Variants in RHOT1 observed in about 807,000 individuals in gnomAD.
RHOT1 encodes mitochondrial Rho GTPase 1.
In RHOT1, 27 loss-of-function variants were observed where a neutral mutation model predicts 95.3. That is an observed-to-expected ratio of 0.28 (90% CI 0.21 to 0.39). RHOT1 has a LOEUF of 0.39. RHOT1 is among the 10% of genes least tolerant of loss of function. The pLI is 1.00. For synonymous variants in RHOT1, 227 were observed against 263.5 expected, an observed-to-expected ratio of 0.86 and a Z score of 1.34; for missense variants, 578 against 786.7, an observed-to-expected ratio of 0.73 and a Z score of 3.17.
intron 8 of RHOT1, among the ~76,000 whole-genome samples, chr17:32,183,906 G>A (rs1408240610): frequency 6.6e-6 from 1 of 152,084 alleles, no homozygotes; most frequent in Non-Finnish European, 1.5e-5. Context: ...GGCTGATCTC[G>A]AACTCCTGAC....
rs377581250 is a variant in RHOT1 at position 32,185,779 on chromosome 17, G to A, written c.540+2507G>A. The stretch of plus-strand genomic sequence containing the variant: ...TTTGTGGCCCAGGCTGGAGCACAGT[G>A]GTGTGATCATAGCTCACTGCGGCCT... On this transcript the variant is annotated intron_variant, in intron 8 of 19. Coordinates refer to ENST00000545287, the MANE Select transcript of RHOT1 (RefSeq NM_001033566.3). Among the ~76,000 whole-genome samples, 1,126 of 147,094 alleles carry A rather than the reference G, an allele frequency of 7.7e-3. 16 individuals are homozygous for A. The highest frequency in any genetic ancestry group is 0.027 in the African/African-American group (1,063 of 39,484).
chr17:32,189,873 C>T (rs2036354300), intron 8 of RHOT1, among the ~76,000 whole-genome samples: 1 of 151,458 alleles, frequency 6.6e-6, no homozygotes, highest in Non-Finnish European at 1.5e-5. Flanking sequence ...GCTGGGATTA[C>T]AGGGATGCAC....
At chr17:32,222,917 G>T in intron 19 of RHOT1, 1 of 982,352 alleles carries the variant, frequency 1.0e-6, no homozygotes, top group South Asian at 4.7e-5. Context: ...CATTTCCAAT[G>T]GGTTGGCCTC....
chr17:32,160,503 T>C (rs1297116867), intron 1 of RHOT1: 1 of 151,576 alleles, frequency 6.6e-6, no homozygotes, highest in Non-Finnish European at 1.5e-5. Flanking sequence ...ACCTTGAGAG[T>C]GTAGAGAAGG....
rs140946285 is a variant in RHOT1, at chr17:32,185,259, C to T, written c.540+1987C>T. 8.2e-3 allele frequency among the ~76,000 whole-genome samples: 1,250 copies of T among 152,008 alleles called. 20 individuals are homozygous for T. Among genetic ancestry groups the T allele is most frequent in the African/African-American group, 0.029 (1,184 of 41,448 alleles). On this transcript the variant is annotated intron_variant, in intron 8 of 19. Coordinates refer to ENST00000545287, the MANE Select transcript of RHOT1 (RefSeq NM_001033566.3). Reference sequence around the variant, plus strand: ...CCAAGTAGCTGGAATGATAGGCATGCGCCACTACACCCTACTAATTTTGTA... The same window carrying T: ...CCAAGTAGCTGGAATGATAGGCATGTGCCACTACACCCTACTAATTTTGTA...
chr17:32,142,705 G>C lies in RHOT1; in HGVS notation c.13G>C (p.Val5Leu). The stretch of plus-strand genomic sequence containing the variant: ...GAGAGCCGCCGACATGAAGAAAGAC[G>C]TGCGGATCCTGCTGGTGGGAGAACG... MKKDVRILLVGEPRV... is the reference protein window; with the variant it reads MKKDLRILLVGEPRV... The change falls in exon 1 of 20, where the codon GTG becomes CTG. Residue 5 changes from valine to leucine, a missense_variant. Val to Leu is a conservative substitution (Grantham distance 32). Around this residue, in one of 4 missense-constraint regions of RHOT1, gnomAD observed 51 missense variants for 114.7 expected, o/e 0.44. Coordinates refer to ENST00000545287, the MANE Select transcript of RHOT1 (RefSeq NM_001033566.3). 1 of 1,530,322 alleles carries C rather than the reference G, an allele frequency of 6.5e-7. No homozygotes were observed. Among genetic ancestry groups the C allele is most frequent in the Non-Finnish European group, 8.8e-7 (1 of 1,139,438 alleles). The allele number at this position is 1,530,322 out of a possible 1,614,324, so 94.8% of individuals were successfully genotyped here.
In RHOT1 at chr17:32,206,933, A is replaced by AT. The variant is rs765617577; in HGVS notation, c.1443dup (p.Leu482SerfsTer3). On this transcript the variant is annotated frameshift_variant, in exon 17 of 20. Coordinates refer to ENST00000545287, the MANE Select transcript of RHOT1 (RefSeq NM_001033566.3). LOFTEE classifies it high-confidence loss of function. The stretch of plus-strand genomic sequence containing the variant: ...AGTTGCATGATATCTCAGAATCGGA[A>AT]TTTCTAACTGAAGCTGAAATCATTT... The AT allele has an allele frequency of 6.3e-7, 1 of 1,599,454 alleles. No individual in the cohort carries two copies. The highest frequency in any genetic ancestry group is 8.6e-7 in the Non-Finnish European group (1 of 1,168,796).
chr17:32,211,831 A>G (rs1363233361), intron 19 of RHOT1, among the ~76,000 whole-genome samples: 2 of 152,174 alleles, frequency 1.3e-5, no homozygotes, highest in Non-Finnish European at 2.9e-5. Flanking sequence ...AAAGATCTGT[A>G]GTACTGTTTT....
At chr17:32,194,929 G>A (rs923030458) in intron 11 of RHOT1, among the ~76,000 whole-genome samples, 9 of 150,022 alleles carry the variant, frequency 6.0e-5, no homozygotes, top group East Asian at 2.0e-4. Context: ...GCGTTTAAGC[G>A]ATTCTTCTGT....
intron 11 of RHOT1, among the ~76,000 whole-genome samples, chr17:32,197,683 C>T (rs1448320896): frequency 2.0e-5 from 3 of 152,176 alleles, no homozygotes; most frequent in Non-Finnish European, 2.9e-5. Context: ...CCGCCTCGGC[C>T]TCCCAAAGTA....
intron 11 of RHOT1, among the ~76,000 whole-genome samples, chr17:32,196,848 G>A (rs904821237): frequency 2.0e-5 from 3 of 152,138 alleles, no homozygotes; most frequent in Admixed American, 1.3e-4. Context: ...TGGGGGCCGG[G>A]TGTGGTGGCT....
At chr17:32,172,537 T>G (rs1009765544) in intron 2 of RHOT1, among the ~76,000 whole-genome samples, 1 of 152,214 alleles carries the variant, frequency 6.6e-6, no homozygotes, top group Non-Finnish European at 1.5e-5. Context: ...ATGGAATCAT[T>G]AAACATAAGG....
At chr17:32,171,148 A>C (rs1394587188) in intron 2 of RHOT1, 47 bp downstream of exon 2, 2 of 1,280,192 alleles carry the variant, frequency 1.6e-6, no homozygotes, top group South Asian at 2.6e-5. Context: ...ATTTATCAAA[A>C]TCAAATTAAA....
Position 32,182,839 on chromosome 17 carries a change from T to C in RHOT1, c.412T>C (p.Tyr138His), listed in dbSNP as rs777987087. Residue 138 changes from tyrosine to histidine, a missense_variant, in exon 7 of 20, where the codon TAT becomes CAT. Physicochemically the swap from Tyr to His is moderately conservative, Grantham distance 83. Around this residue, in one of 4 missense-constraint regions of RHOT1, gnomAD observed 227 missense variants for 316.0 expected, o/e 0.72. Coordinates refer to ENST00000545287, the MANE Select transcript of RHOT1 (RefSeq NM_001033566.3). Reference sequence around the variant, plus strand: ...GACCATCCTTCCTATTATGAACCAGTATACAGAAATAGAAACCTGTGTGGA... The same window carrying C: ...GACCATCCTTCCTATTATGAACCAGCATACAGAAATAGAAACCTGTGTGGA... ...METILPIMNQ[Y>H]TEIETCVECS... 1 of 1,589,064 alleles carries C rather than the reference T, an allele frequency of 6.3e-7. No individual in the cohort carries two copies.
chr17:32,144,592 A>G (rs2142330500), intron 1 of RHOT1, among the ~76,000 whole-genome samples: 1 of 152,180 alleles, frequency 6.6e-6, no homozygotes, highest in African/African-American at 2.4e-5. Context: ...TTATACCTGT[A>G]TTCCAAGCAC....
At chr17:32,165,522 C>CAAA (rs113306708) in intron 1 of RHOT1, among the ~76,000 whole-genome samples, 2 of 134,936 alleles carry the variant, frequency 1.5e-5, no homozygotes, top group Non-Finnish European at 3.2e-5. Flanking sequence ...GACCCTGTCT[C>CAAA]AAAAAAAAAA....
chr17:32,209,157 G>T (rs1358830433), intron 18 of RHOT1: 3 of 332,440 alleles, frequency 9.0e-6, no homozygotes, highest in East Asian at 4.7e-5. Flanking sequence ...TTTCAAAAAG[G>T]TGTTGATTTG....
rs1197794321 is a variant in RHOT1, at chr17:32,176,338, C to T, written c.329+125C>T. ...AAATTTACTAGGTAACGTTTTGCCA[C>T]GTTTGCCTTATCTATCAGTTTTTCT... On this transcript the variant is annotated intron_variant, in intron 6 of 19. Coordinates refer to ENST00000545287, the MANE Select transcript of RHOT1 (RefSeq NM_001033566.3). The T allele has an allele frequency of 1.1e-5, 8 of 728,944 alleles. No individual in the cohort carries two copies. In the East Asian group the frequency reaches 1.4e-4, roughly 12 times the overall value. 45.2% of individuals were successfully genotyped at this position (728,944 alleles called of 1,614,324 possible). A position where few individuals can be genotyped will look rare whatever the true frequency, so the allele number is the denominator to read the frequency against.
At chr17:32,191,002 C>T (rs2142751141) in intron 8 of RHOT1, among the ~76,000 whole-genome samples, 2 of 152,290 alleles carry the variant, frequency 1.3e-5, no homozygotes, top group South Asian at 4.2e-4. Flanking sequence ...GCCATGTTAG[C>T]CAGGCTGGTC....
Sources: gnomAD v4.1 joint callset for allele counts (sites outside exome capture counted in the v4.1 genomes callset) on GRCh38, gnomAD v4.1.1 for gene constraint, gnomAD v4.1.1 regional missense constraint, MANE v1.5 for transcripts, NCBI Gene and HGNC (gene_info 2026-07-23, HGNC 2026-07-21) for gene names.